The following MYO3B variants were observed in gnomAD, a reference collection of about 807,000 sequenced individuals.
MYO3B encodes the protein myosin-IIIb.
Under a neutral mutation model 174.6 loss-of-function variants are expected in MYO3B, and 156 were observed. That is an observed-to-expected ratio of 0.89 (90% CI 0.78 to 1.02). MYO3B has a LOEUF of 1.02. Among genes scored for constraint, MYO3B ranks in the 50% least tolerant of loss-of-function variants. The pLI is 0.00. For missense variants in MYO3B, 1,632 were observed against 1,639.4 expected, an observed-to-expected ratio of 1.00 and a Z score of 0.08; for synonymous variants, 563 against 569.1, an observed-to-expected ratio of 0.99 and a Z score of 0.15.
intron 7 of MYO3B, among the ~76,000 whole-genome samples, chr2:170,321,257 A>C (rs947676750): frequency 6.6e-6 from 1 of 152,232 alleles, no homozygotes; most frequent in African/African-American, 2.4e-5. Flanking sequence ...AAGAAATTAC[A>C]ATTTTAAAAA....
chr2:170,606,182 A>G (rs996191047), intron 32 of MYO3B, among the ~76,000 whole-genome samples: 4 of 151,692 alleles, frequency 2.6e-5, no homozygotes, highest in African/African-American at 9.7e-5. Context: ...TTTTCTTCAC[A>G]TTTTCCTTCC....
chr2:170,407,976 T>C, intron 22 of MYO3B, 132 bp downstream of exon 22: 1 of 1,051,340 alleles, frequency 9.5e-7, no homozygotes, highest in Non-Finnish European at 1.4e-6. Context: ...AGTAAGGGTC[T>C]AAATTCAAGA....
chr2:170,445,209 C>T (rs781027321), intron 23 of MYO3B, among the ~76,000 whole-genome samples: 5 of 152,138 alleles, frequency 3.3e-5, no homozygotes, highest in Non-Finnish European at 4.4e-5. Context: ...TCAATTGCAG[C>T]ATTTGTGTCA....
intron 28 of MYO3B, among the ~76,000 whole-genome samples, chr2:170,502,269 A>T (rs1439585690): frequency 1.3e-5 from 2 of 152,216 alleles, no homozygotes; most frequent in Non-Finnish European, 2.9e-5. Flanking sequence ...TCTCGGAGTC[A>T]TATGTCCCTC....
chr2:170,530,608 G>A (rs1403340826), intron 30 of MYO3B, among the ~76,000 whole-genome samples: 3 of 152,214 alleles, frequency 2.0e-5, no homozygotes, highest in African/African-American at 7.2e-5. Flanking sequence ...TTGAGGCATC[G>A]TCTTTGCTTA....
chr2:170,486,476 G>T (rs1399575489), intron 25 of MYO3B, among the ~76,000 whole-genome samples: 1 of 151,896 alleles, frequency 6.6e-6, no homozygotes, highest in African/African-American at 2.4e-5. Flanking sequence ...GACTAATTTT[G>T]TATTTTTAGT....
chr2:170,370,418 G>T (rs182494998), intron 9 of MYO3B, among the ~76,000 whole-genome samples: 31 of 152,124 alleles, frequency 2.0e-4, no homozygotes, highest in African/African-American at 5.5e-4. Context: ...TAGCTCAGAG[G>T]GGATTTTTTT....
At chr2:170,435,257 G>A (rs1314257152) in intron 22 of MYO3B, among the ~76,000 whole-genome samples, 2 of 152,206 alleles carry the variant, frequency 1.3e-5, no homozygotes, top group African/African-American at 2.4e-5. Flanking sequence ...GTCTTTCAAA[G>A]TGAGGGCCTT....
intron 32 of MYO3B, 136 bp from the exon 33 acceptor site, chr2:170,651,492 A>G: frequency 1.5e-6 from 1 of 667,156 alleles, no homozygotes; most frequent in Non-Finnish European, 2.7e-6. Flanking sequence ...ATTTCTCCTA[A>G]TATTAGTAAA....
intron 4 of MYO3B, 111 bp from the exon 5 acceptor site, chr2:170,214,618 A>G: frequency 2.3e-6 from 3 of 1,308,466 alleles, no homozygotes; most frequent in South Asian, 2.5e-5. Flanking sequence ...AGGTGTAGCC[A>G]AATGTAGACT....
At chr2:170,188,070 A>G (rs1360908641) in intron 1 of MYO3B, among the ~76,000 whole-genome samples, 2 of 152,178 alleles carry the variant, frequency 1.3e-5, no homozygotes, top group Non-Finnish European at 2.9e-5. Context: ...GAGGTGTTGA[A>G]GTCTCTAGCT....
intron 3 of MYO3B, among the ~76,000 whole-genome samples, chr2:170,209,354 A>T: frequency 6.6e-6 from 1 of 152,224 alleles, no homozygotes; most frequent in East Asian, 1.9e-4. Flanking sequence ...GTTCAAAATA[A>T]GTTTCCTTGA....
chr2:170,381,937 G>A, intron 9 of MYO3B, 79 bp from the exon 10 acceptor site: 1 of 1,171,064 alleles, frequency 8.5e-7, no homozygotes, highest in Non-Finnish European at 1.3e-6. Flanking sequence ...ATAAGATTGT[G>A]AATGAGCCAT....
chr2:170,235,410 A>G (rs1390730372), intron 6 of MYO3B, among the ~76,000 whole-genome samples: 1 of 152,242 alleles, frequency 6.6e-6, no homozygotes, highest in Non-Finnish European at 1.5e-5. Flanking sequence ...AGTCAGGCCA[A>G]GTAACTGGAA....
chr2:170,388,268 G>A (rs2094390062), intron 14 of MYO3B, among the ~76,000 whole-genome samples: 1 of 152,134 alleles, frequency 6.6e-6, no homozygotes, highest in Non-Finnish European at 1.5e-5. Flanking sequence ...AGCAGTAGGG[G>A]AGGATCACAG....
intron 22 of MYO3B, among the ~76,000 whole-genome samples, chr2:170,415,751 A>C (rs1428095078): frequency 1.3e-5 from 2 of 152,146 alleles, no homozygotes; most frequent in Admixed American, 1.3e-4. Context: ...CTTACAGGTA[A>C]GATGCTCTCT....
rs1184883568 is a variant in MYO3B, at chr2:170,399,275, C to A, written c.1792-913C>A. Among the ~76,000 whole-genome samples the A allele has an allele frequency of 2.4e-4, 23 of 96,480 alleles. 1 individual carries two copies. Among genetic ancestry groups the A allele is most frequent in the Admixed American group, 3.0e-4 (3 of 9,946 alleles). The allele number at this position is 96,480 out of a possible 152,430, so 63.3% of individuals were successfully genotyped here. ...AAAAAAAAAAAAAAAAAGAGAGAGA[C>A]CAGTCTGGCCAACAGGGCAAAACTC... On this transcript the variant is annotated intron_variant, in intron 16 of 34. Transcript: ENST00000408978.
chr2:170,597,817 A>G (rs1355711819), intron 32 of MYO3B, among the ~76,000 whole-genome samples: 1 of 152,128 alleles, frequency 6.6e-6, no homozygotes, highest in Non-Finnish European at 1.5e-5. Context: ...TTTATTGCTC[A>G]CTTAACTAAA....
At chr2:170,451,340 G>A (rs1251872858) in intron 23 of MYO3B, among the ~76,000 whole-genome samples, 1 of 152,244 alleles carries the variant, frequency 6.6e-6, no homozygotes, top group East Asian at 1.9e-4. Context: ...ACAGGTAGGC[G>A]GCATGGCTTA....
Sources: allele counts gnomAD v4.1 joint callset (sites outside exome capture counted in the v4.1 genomes callset), GRCh38; gene constraint gnomAD v4.1.1; transcripts MANE v1.5; gene names NCBI Gene and HGNC (gene_info 2026-07-23, HGNC 2026-07-21).